Variants in TEX11 observed in about 807,000 individuals in gnomAD.
TEX11 encodes the protein testis-expressed protein 11.
TEX11 carries 7 observed loss-of-function variants against 84.4 expected under a neutral mutation model. That is an observed-to-expected ratio of 0.08 (90% CI 0.05 to 0.16). The LOEUF is 0.16. Ranked by LOEUF, TEX11 falls within the 10% of genes least tolerant of loss-of-function variation. The pLI, the probability that TEX11 is intolerant of heterozygous loss-of-function variation, is 1.00. For missense variants in TEX11, 551 were observed against 660.5 expected (o/e 0.83, Z 1.82); for synonymous variants, 264 against 222.8 (o/e 1.18, Z -1.64).
intron 25 of TEX11, among the ~76,000 whole-genome samples, chrX:70,578,215 T>C (rs73540715): frequency 0.011 from 1,251 of 112,145 alleles, 21 homozygotes; most frequent in African/African-American, 0.038. Flanking sequence ...TTCTTTTCTA[T>C]TGAGTTTATG....
intron 8 of TEX11, among the ~76,000 whole-genome samples, chrX:70,828,135 T>C (rs1219040937): frequency 9.0e-6 from 1 of 110,671 alleles, no homozygotes; most frequent in East Asian, 2.9e-4. Context: ...CAAGCCTAGA[T>C]TGAGAAGACT....
intron 25 of TEX11, among the ~76,000 whole-genome samples, chrX:70,581,056 C>T (rs1603098785): frequency 9.0e-6 from 1 of 110,828 alleles, no homozygotes; most frequent in African/African-American, 3.3e-5. Context: ...GGCTGGAGTG[C>T]GGTGGCACAA....
intron 9 of TEX11, among the ~76,000 whole-genome samples, chrX:70,773,270 A>G (rs1280370213): frequency 4.5e-5 from 5 of 111,184 alleles, no homozygotes; most frequent in Non-Finnish European, 9.4e-5. Context: ...TCATGAAAGT[A>G]ATAAGAGAAA....
chrX:70,683,263 G>A (rs764749899), intron 13 of TEX11, among the ~76,000 whole-genome samples: 13 of 111,941 alleles, frequency 1.2e-4, no homozygotes, highest in African/African-American at 6.5e-5. Context: ...AACAGTTCAC[G>A]GGTTGGAAGA....
intron 13 of TEX11, among the ~76,000 whole-genome samples, chrX:70,714,212 G>C (rs5936584): frequency 0.41 from 44,615 of 109,156 alleles, 7,850 homozygotes; most frequent in East Asian, 0.58. Flanking sequence ...TTACTTCCAA[G>C]TATGTGGTCA....
chrX:70,889,267 A>G (rs894003189), intron 2 of TEX11, among the ~76,000 whole-genome samples: 1 of 109,786 alleles, frequency 9.1e-6, no homozygotes, highest in African/African-American at 3.3e-5. Flanking sequence ...AAGAACAAAA[A>G]TTAGCCAGGA....
intron 13 of TEX11, among the ~76,000 whole-genome samples, chrX:70,722,090 C>T (rs1171848954): frequency 9.0e-6 from 1 of 111,509 alleles, no homozygotes; most frequent in Non-Finnish European, 1.9e-5. Flanking sequence ...GATGTAGCTG[C>T]CAGAAAAGAA....
rs183791830 is a variant in TEX11 at position 70,599,017 on chromosome X, T to C, written c.2067+6384A>G. On this transcript the variant is annotated intron_variant, in intron 24 of 29. Coordinates refer to ENST00000374333, the MANE Select transcript of TEX11 (RefSeq NM_031276.3). ...TAAGAATATTCTAAAAACCAATAAA[T>C]TGTATACCTAAGTGGGTGAATTATA... Among the ~76,000 whole-genome samples, 302 of 111,478 alleles carry C rather than the reference T, an allele frequency of 2.7e-3. 3 individuals are homozygous for C. The highest frequency in any genetic ancestry group is 9.2e-3 in the African/African-American group (282 of 30,729).
intron 13 of TEX11, among the ~76,000 whole-genome samples, chrX:70,722,210 G>T (rs960502206): frequency 8.9e-6 from 1 of 112,147 alleles, no homozygotes; most frequent in African/African-American, 3.2e-5. Context: ...TGTCCAATAA[G>T]GCAGCCATTA....
At chrX:70,818,865 A>G (rs768364635) in intron 8 of TEX11, among the ~76,000 whole-genome samples, 2 of 111,575 alleles carry the variant, frequency 1.8e-5, no homozygotes, top group South Asian at 3.8e-4. Context: ...CTAAAGTCTT[A>G]GAAACATGCA....
intron 25 of TEX11, among the ~76,000 whole-genome samples, chrX:70,565,669 C>T (rs1211179367): frequency 1.0e-4 from 11 of 109,743 alleles, no homozygotes; most frequent in Admixed American, 3.9e-4. Context: ...GAATCCTTTC[C>T]CCATTGCTTG....
At chrX:70,728,611 G>C (rs2090618744) in intron 11 of TEX11, among the ~76,000 whole-genome samples, 1 of 111,518 alleles carries the variant, frequency 9.0e-6, no homozygotes, top group African/African-American at 3.3e-5. Context: ...CAGCGAGGCT[G>C]GGGGAGGGGC....
At chrX:70,730,435 T>A (rs2090637769) in intron 11 of TEX11, among the ~76,000 whole-genome samples, 1 of 110,840 alleles carries the variant, frequency 9.0e-6, no homozygotes, top group Non-Finnish European at 1.9e-5. Context: ...ACACATAGGC[T>A]CAAAATAAAG....
At chrX:70,748,249 C>T (rs1057263024) in intron 9 of TEX11, among the ~76,000 whole-genome samples, 3 of 111,246 alleles carry the variant, frequency 2.7e-5, no homozygotes, top group Non-Finnish European at 5.7e-5. Flanking sequence ...TGAAATTCAA[C>T]AGGATAAGCA....
Position 70,597,958 on chromosome X carries a change from G to C in TEX11, c.2068-6135C>G, listed in dbSNP as rs1230838322. Among the ~76,000 whole-genome samples the C allele has an allele frequency of 2.1e-4, 24 of 111,777 alleles. No individual in the cohort carries two copies. In the Admixed American group the frequency reaches 2.2e-3, roughly 10 times the overall value. ...GCACTTTGGAAGGCCGAGGTGGGGG[G>C]ATCAGTTGAGATAAGGAGTTTGAGA... On this transcript the variant is annotated intron_variant, in intron 24 of 29. Coordinates refer to ENST00000374333, the MANE Select transcript of TEX11 (RefSeq NM_031276.3).
At chrX:70,879,206 A>G (rs934812425) in intron 3 of TEX11, among the ~76,000 whole-genome samples, 2 of 111,027 alleles carry the variant, frequency 1.8e-5, no homozygotes, top group African/African-American at 6.5e-5. Flanking sequence ...TCTAAAATTA[A>G]CTAACTGTGG....
intron 8 of TEX11, among the ~76,000 whole-genome samples, chrX:70,809,373 A>G (rs767173761): frequency 8.9e-6 from 1 of 112,258 alleles, no homozygotes; most frequent in African/African-American, 3.2e-5. Flanking sequence ...GTATTCATAT[A>G]AACACTGGAG....
chrX:70,530,711 T>C (rs1203679084), intron 28 of TEX11, among the ~76,000 whole-genome samples: 1 of 111,541 alleles, frequency 9.0e-6, no homozygotes, highest in African/African-American at 3.3e-5. Context: ...TTTTTGAGAG[T>C]GTCAAGAATG....
At chrX:70,777,517 C>T (rs1477913316) in intron 9 of TEX11, among the ~76,000 whole-genome samples, 4 of 111,255 alleles carry the variant, frequency 3.6e-5, no homozygotes, top group Admixed American at 9.6e-5. Context: ...GGCGTGGTGG[C>T]GCAAGCCTGT....
Sources: allele counts gnomAD v4.1 joint callset (sites outside exome capture counted in the v4.1 genomes callset), GRCh38; gene constraint gnomAD v4.1.1; transcripts MANE v1.5; gene names NCBI Gene and HGNC (gene_info 2026-07-23, HGNC 2026-07-21).